AVPR1A: variants seen among roughly 807,000 people sequenced by gnomAD.
AVPR1A encodes arginine vasopressin receptor 1A.
AVPR1A carries 31 observed loss-of-function variants against 31.5 expected under a neutral mutation model. That is an observed-to-expected ratio of 0.99 (90% CI 0.74 to 1.33). The LOEUF is 1.33. Ranked by LOEUF, AVPR1A falls within the 40% of genes most tolerant of loss-of-function variation. The pLI is 0.00. For synonymous variants in AVPR1A, 243 were observed against 233.2 expected, an observed-to-expected ratio of 1.04 and a Z score of -0.38; for missense variants, 570 against 575.2, an observed-to-expected ratio of 0.99 and a Z score of 0.09.
rs372577812 is a variant in AVPR1A at position 63,150,595 on chromosome 12, C to G, written c.242G>C (p.Arg81Pro). Residue 81 changes from arginine (R) to proline (P), a missense_variant, in exon 1 of 2, where the codon CGC becomes CCC. Arg to Pro is a moderately radical substitution (Grantham distance 103). Coordinates refer to ENST00000299178, the MANE Select transcript of AVPR1A (RefSeq NM_000706.5). This position sits in a 1 kb window ranked among gnomAD's most constrained non-coding sequence, Gnocchi z 4.9. ...GAAGAGGTGCATGCGGGACGTCTTGCGCGGCGTCCGGTGCAGAGCCAGCAG... is the reference window on the plus strand; with the variant it reads ...GAAGAGGTGCATGCGGGACGTCTTGGGCGGCGTCCGGTGCAGAGCCAGCAG... ...SVLLALHRTP[R>P]KTSRMHLFIR... is the part of the protein sequence containing the mutation. 1 of 1,610,632 alleles carries G rather than the reference C, an allele frequency of 6.2e-7. No homozygotes were observed. The highest frequency in any genetic ancestry group is 1.7e-5 in the Admixed American group (1 of 59,980).
Position 63,150,072 on chromosome 12 carries a change from C to G in AVPR1A, c.765G>C (p.Gln255His), listed in dbSNP as rs1868435824. Residue 255 changes from glutamine to histidine, a missense_variant, in exon 1 of 2, where the codon CAG (glutamine) becomes CAC (histidine). Gln to His is a conservative substitution (Grantham distance 24). Coordinates refer to ENST00000299178, the MANE Select transcript of AVPR1A (RefSeq NM_000706.5). The surrounding 1 kb of genome is among the most constrained non-coding windows in gnomAD (Gnocchi z 4.9). ...CACCCGCTTGCTCTGCACCCTTGCT[C>G]TGGCGCGACGCCGTCTTCCCGCGGA... Reference protein sequence around the residue: ...CNVRGKTASRQSKGAEQAGVA... With the variant: ...CNVRGKTASRHSKGAEQAGVA... 2 of 1,614,020 alleles carry G rather than the reference C, an allele frequency of 1.2e-6. No homozygotes were observed. Among genetic ancestry groups the G allele is most frequent in the African/African-American group, 2.7e-5 (2 of 74,942 alleles).
In AVPR1A at chr12:63,150,182, A is replaced by C. The variant is rs758567125; in HGVS notation, c.655T>G (p.Trp219Gly). 3.7e-6 allele frequency: 6 copies of C among 1,613,988 alleles called. No homozygotes were observed. Among genetic ancestry groups the C allele is most frequent in the Non-Finnish European group, 5.1e-6 (6 of 1,180,038 alleles). The change falls in exon 1 of 2, where the codon TGG becomes GGG. Residue 219 changes from tryptophan to glycine, a missense_variant. By Grantham distance (184) the Trp-to-Gly change is radical. Transcript: ENST00000299178. The surrounding 1 kb of genome is among the most constrained non-coding windows in gnomAD (Gnocchi z 4.9). ...GCCACAAAGATGCCGCCCGTCATCC[A>C]GGTCACGTAGGCACGAGAACCCCAG... is the stretch of plus-strand genomic sequence containing the variant. ...QPWGSRAYVT[W>G]MTGGIFVAPV... is the part of the protein sequence containing the mutation.
In AVPR1A at chr12:63,150,838, C is replaced by A. The variant is rs762964776; in HGVS notation, c.-2G>T. ...GTCGGGACCGGCGGAGAGACGCATG[C>A]TGTCCATGCAGCTCCTACTCGGCCC... On this transcript the variant is annotated 5_prime_UTR_variant, in exon 1 of 2. Coordinates refer to ENST00000299178, the MANE Select transcript of AVPR1A (RefSeq NM_000706.5). This position sits in a 1 kb window ranked among gnomAD's most constrained non-coding sequence, Gnocchi z 4.9. 1 of 1,578,562 alleles carries A rather than the reference C, an allele frequency of 6.3e-7. No homozygotes were observed. Among genetic ancestry groups the A allele is most frequent in the Non-Finnish European group, 8.5e-7 (1 of 1,170,164 alleles).
chr12:63,148,721 G>T (rs573204708), intron 1 of AVPR1A, among the ~76,000 whole-genome samples: 1 of 152,056 alleles, frequency 6.6e-6, no homozygotes, highest in Non-Finnish European at 1.5e-5. Flanking sequence ...TTTCATTATC[G>T]CTAGTATTAT....
At position 63,145,365 on chromosome 12, in the gene AVPR1A, T is replaced by A. The variant is rs775898113; in HGVS notation, c.*1994A>T. ...TATCGCTTCCGGGTTCTCACAGTGC[T>A]ATCCAGTTCTCATTTTCTTATCTAC... is the stretch of plus-strand genomic sequence containing the variant. On this transcript the variant is annotated 3_prime_UTR_variant, in exon 2 of 2. Transcript: ENST00000299178. The A allele has an allele frequency of 2.2e-6, 1 of 455,780 alleles. No homozygotes were observed. The highest frequency in any genetic ancestry group is 1.5e-5 in the South Asian group (1 of 64,518). 28.2% of individuals were successfully genotyped at this position (455,780 alleles called of 1,614,324 possible).
chr12:63,149,669 TA>T (rs1449100460), intron 1 of AVPR1A, among the ~76,000 whole-genome samples, 197 bp downstream of exon 1: 1 of 146,200 alleles, frequency 6.8e-6, no homozygotes, highest in African/African-American at 2.6e-5. Flanking sequence ...TTTTTTTTTT[TA>T]AACAGTGTTC....
chr12:63,150,730 C>A lies in AVPR1A; in HGVS notation c.107G>T (p.Gly36Val), dbSNP rs866945190. 10 of 1,602,948 alleles carry A rather than the reference C, an allele frequency of 6.2e-6. No homozygotes were observed. The highest frequency in any genetic ancestry group is 7.6e-6 in the Non-Finnish European group (9 of 1,179,776). The change falls in exon 1 of 2, where the codon GGG (glycine) becomes GTG (valine). Residue 36 changes from glycine (G) to valine (V), a missense_variant. By Grantham distance (109) the Gly-to-Val change is moderately radical (BLOSUM62 -3). Transcript: ENST00000299178. The surrounding 1 kb of genome is among the most constrained non-coding windows in gnomAD (Gnocchi z 4.9). ...GNTSREAEAL[G>V]EGNGPPRDVR... ...GTCCCTCGGTGGGCCGTTGCCCTCC[C>A]CGAGGGCTTCGGCCTCCCGGCTTGT...
rs113578517 is a variant in AVPR1A, at chr12:63,149,913, G to T, written c.924C>A (p.Phe308Leu). The T allele has an allele frequency of 0.01, 16,837 of 1,613,744 alleles. 136 individuals are homozygous for T. The highest frequency in any genetic ancestry group is 0.012 in the Non-Finnish European group (13,733 of 1,179,968). Reference sequence around the variant, plus strand: ...CCCAGACAGACCACATCTGGATGATGAAGAAAGGCGCCCAGCAGACGATGT... The same window carrying T: ...CCCAGACAGACCACATCTGGATGATTAAGAAAGGCGCCCAGCAGACGATGT... ...TAYIVCWAPF[F>L]IIQMWSVWDP... Residue 308 changes from phenylalanine (F) to leucine (L), a missense_variant, in exon 1 of 2, where the codon TTC becomes TTA. Transcript: ENST00000299178.
intron 1 of AVPR1A, among the ~76,000 whole-genome samples, chr12:63,148,831 A>G (rs1287396949): frequency 3.9e-5 from 6 of 152,152 alleles, no homozygotes; most frequent in Non-Finnish European, 5.9e-5. Flanking sequence ...CAATTCCAAA[A>G]AGCAAAAGGA....
In AVPR1A at chr12:63,145,614, A is replaced by C. The variant is rs1158358112; in HGVS notation, c.*1745T>G. The C allele has an allele frequency of 1.7e-5, 3 of 177,218 alleles. No homozygotes were observed. The highest frequency in any genetic ancestry group is 1.1e-4 in the South Asian group (1 of 9,094). The allele number at this position is 177,218 out of a possible 1,614,324, so 11.0% of individuals were successfully genotyped here. Reference sequence around the variant, plus strand: ...CACTCCAGCCTGGCAAAAGAGCAAGACTCTGTTTCAAAAAAAAAAAAAGCA... The same window carrying C: ...CACTCCAGCCTGGCAAAAGAGCAAGCCTCTGTTTCAAAAAAAAAAAAAGCA... On this transcript the variant is annotated 3_prime_UTR_variant, in exon 2 of 2. Coordinates refer to ENST00000299178, the MANE Select transcript of AVPR1A (RefSeq NM_000706.5).
Position 63,147,432 on chromosome 12 carries a change from G to T in AVPR1A, c.1184C>A (p.Thr395Lys). ...GTCCTTCCACATACCCGTACTGTTTGTTGGGCTTCGATTGTTAGAATAAAA... is the reference window on the plus strand; with the variant it reads ...GTCCTTCCACATACCCGTACTGTTTTTTGGGCTTCGATTGTTAGAATAAAA... ...QTFYSNNRSP[T>K]NSTGMWKDSP... The change falls in exon 2 of 2, where the codon ACA becomes AAA. Residue 395 changes from threonine to lysine, a missense_variant. Coordinates refer to ENST00000299178, the MANE Select transcript of AVPR1A (RefSeq NM_000706.5). 3 of 1,614,120 alleles carry T rather than the reference G, an allele frequency of 1.9e-6. No individual in the cohort carries two copies. The highest frequency in any genetic ancestry group is 2.5e-6 in the Non-Finnish European group (3 of 1,179,990).
rs1186448666 is a variant in AVPR1A, at chr12:63,143,321, T to C, written c.*4038A>G. The C allele has an allele frequency of 2.6e-5, 4 of 152,076 alleles. No individual in the cohort carries two copies. The East Asian group carries it at 7.7e-4, about 29-fold the overall frequency. The allele number at this position is 152,076 out of a possible 1,614,324, so 9.4% of individuals were successfully genotyped here. A position where few individuals can be genotyped will look rare whatever the true frequency, so the allele number is the denominator to read the frequency against. On this transcript the variant is annotated 3_prime_UTR_variant, in exon 2 of 2. Transcript: ENST00000299178. Reference sequence around the variant, plus strand: ...AAATGTGGGTATATACATACAAAAATACATAAAACTAAAAAGCAAAAAAAT... The same window carrying C: ...AAATGTGGGTATATACATACAAAAACACATAAAACTAAAAAGCAAAAAAAT...
Position 63,150,639 on chromosome 12 carries a change from C to T in AVPR1A, c.198G>A (p.Val66=), listed in dbSNP as rs1193584569. 1 of 1,609,436 alleles carries T rather than the reference C, an allele frequency of 6.2e-7. No homozygotes were observed. Among genetic ancestry groups the T allele is most frequent in the Admixed American group, 1.7e-5 (1 of 60,002 alleles). ...CCAGCAGTACGCTGCTGTTGCCCAGCACGGCCACCGCGAAAGTCACCGCCA... is the reference window on the plus strand; with the variant it reads ...CCAGCAGTACGCTGCTGTTGCCCAGTACGGCCACCGCGAAAGTCACCGCCA... ...AVLAVTFAVA[V]LGNSSVLLAL... The change falls in exon 1 of 2, where the codon GTG becomes GTA. Residue 66 remains valine (V), a synonymous_variant. Coordinates refer to ENST00000299178, the MANE Select transcript of AVPR1A (RefSeq NM_000706.5). This position sits in a 1 kb window ranked among gnomAD's most constrained non-coding sequence, Gnocchi z 4.9.
rs1205612909 is a variant in AVPR1A at position 63,144,926 on chromosome 12, T to C, written c.*2433A>G. The C allele has an allele frequency of 6.6e-6, 1 of 152,630 alleles. No homozygotes were observed. The highest frequency in any genetic ancestry group is 1.5e-5 in the Non-Finnish European group (1 of 68,378). The allele number at this position is 152,630 out of a possible 1,614,324, so 9.5% of individuals were successfully genotyped here. ...TCTCAGAAATAACATTCAAATTGAA[T>C]TGTTTTGCTTGGGGGTACATATCAA... On this transcript the variant is annotated 3_prime_UTR_variant, in exon 2 of 2. Transcript: ENST00000299178.
chr12:63,150,027 G>C lies in AVPR1A; in HGVS notation c.810C>G (p.Phe270Leu), dbSNP rs141209147. 2.9e-4 allele frequency: 474 copies of C among 1,614,064 alleles called. No homozygotes were observed. The highest frequency in any genetic ancestry group is 1.9e-5 in the Non-Finnish European group (23 of 1,180,024). ...CGCTGCTGACACAGGGTGCGAGCAG[G>C]AACCCCTTTTGGAAGGCCACACCCG... ...EQAGVAFQKG[F>L]LLAPCVSSVK... The change falls in exon 1 of 2, where the codon TTC becomes TTG. Residue 270 changes from phenylalanine (F) to leucine (L), a missense_variant. Physicochemically the swap from Phe to Leu is conservative, Grantham distance 22. Coordinates refer to ENST00000299178, the MANE Select transcript of AVPR1A (RefSeq NM_000706.5). This position sits in a 1 kb window ranked among gnomAD's most constrained non-coding sequence, Gnocchi z 4.9.
Position 63,150,964 on chromosome 12 carries a change from G to C in AVPR1A, c.-128C>G, listed in dbSNP as rs866173306. 9.5e-6 allele frequency: 13 copies of C among 1,364,958 alleles called. No individual in the cohort carries two copies. Among genetic ancestry groups the C allele is most frequent in the African/African-American group, 1.5e-5 (1 of 68,170 alleles). The allele number at this position is 1,364,958 out of a possible 1,614,324, so 84.6% of individuals were successfully genotyped here. On this transcript the variant is annotated 5_prime_UTR_variant, in exon 1 of 2. Coordinates refer to ENST00000299178, the MANE Select transcript of AVPR1A (RefSeq NM_000706.5). This position sits in a 1 kb window ranked among gnomAD's most constrained non-coding sequence, Gnocchi z 4.9. The stretch of plus-strand genomic sequence containing the variant: ...GTCTTTGGCGCGCTCGCAGCTTGCC[G>C]GGCTCTGCGATCCCTCCAGTGGGCG...
In AVPR1A at chr12:63,147,643, A is replaced by G; in HGVS notation, c.973T>C (p.Ser325Pro). 6.2e-7 allele frequency: 1 copy of G among 1,609,064 alleles called. No homozygotes were observed. The highest frequency in any genetic ancestry group is 8.5e-7 in the Non-Finnish European group (1 of 1,175,948). ...GTGATGGTGATGGTAGGGTTTTCCGATTCTGCATGAAAAATATAAAGGGAA... is the reference window on the plus strand; with the variant it reads ...GTGATGGTGATGGTAGGGTTTTCCGGTTCTGCATGAAAAATATAAAGGGAA... Reference protein sequence around the residue: ...VWDPMSVWTESENPTITITAL... With the variant: ...VWDPMSVWTEPENPTITITAL... Residue 325 changes from serine (S) to proline (P), a missense_variant and splice_region_variant, in exon 2 of 2, where the codon TCG becomes CCG. Transcript: ENST00000299178.
Position 63,145,525 on chromosome 12 carries a change from T to G in AVPR1A, c.*1834A>C, listed in dbSNP as rs1456558919. 9.4e-6 allele frequency: 3 copies of G among 318,694 alleles called. No homozygotes were observed. Among genetic ancestry groups the G allele is most frequent in the East Asian group, 8.5e-5 (1 of 11,776 alleles). 19.7% of individuals were successfully genotyped at this position (318,694 alleles called of 1,614,324 possible). A position where few individuals can be genotyped will look rare whatever the true frequency, so the allele number is the denominator to read the frequency against. On this transcript the variant is annotated 3_prime_UTR_variant, in exon 2 of 2. Coordinates refer to ENST00000299178, the MANE Select transcript of AVPR1A (RefSeq NM_000706.5). ...ATATAGTCCCAGCTACTCGGGAGGC[T>G]GAGGCAGGAGAATCGCTTGAACCCA...
chr12:63,150,566 G>A lies in AVPR1A; in HGVS notation c.271C>T (p.Arg91Ter), dbSNP rs775685841. ...RKTSRMHLFI[R>*]HLSLADLAVA... The stretch of plus-strand genomic sequence containing the variant: ...GCCAGGTCGGCCAGGCTGAGGTGTC[G>A]GATGAAGAGGTGCATGCGGGACGTC... The change falls in exon 1 of 2, where the codon CGA (arginine) becomes TGA (stop). Residue 91 changes from arginine (R) to a stop codon, truncating the protein, a stop_gained. Transcript: ENST00000299178. LOFTEE classifies it high-confidence loss of function. The surrounding 1 kb of genome is among the most constrained non-coding windows in gnomAD (Gnocchi z 4.9). 5 of 1,612,450 alleles carry A rather than the reference G, an allele frequency of 3.1e-6. No homozygotes were observed. Among genetic ancestry groups the A allele is most frequent in the South Asian group, 1.1e-5 (1 of 91,068 alleles).
Sources: gnomAD v4.1 joint callset for allele counts (sites outside exome capture counted in the v4.1 genomes callset) on GRCh38, gnomAD v4.1.1 for gene constraint, Gnocchi (gnomAD v3.1) non-coding constraint, MANE v1.5 for transcripts, NCBI Gene and HGNC (gene_info 2026-07-23, HGNC 2026-07-21) for gene names.